MMAB: variants seen among roughly 807,000 people sequenced by gnomAD.
The protein encoded by MMAB is metabolism of cobalamin associated B.
In MMAB, 17 loss-of-function variants were observed where a neutral mutation model predicts 30.6. That is an observed-to-expected ratio of 0.56 (90% CI 0.38 to 0.83). MMAB has a LOEUF of 0.83. MMAB is among the 40% of genes least tolerant of loss of function. MMAB has a pLI of 0.00. For synonymous variants in MMAB, 134 were observed against 138.6 expected (o/e 0.97, Z 0.23); for missense variants, 311 against 331.6 (o/e 0.94, Z 0.48).
chr12:109,568,525 G>A (rs1036425973), intron 3 of MMAB: 3 of 598,888 alleles, frequency 5.0e-6, no homozygotes, highest in South Asian at 2.0e-5. Context: ...AGGGATGAGA[G>A]GGAGGCAGCT....
rs1473880029 is a variant in MMAB at position 109,561,876 on chromosome 12, G to T, written c.349-24C>A. 1 of 1,587,706 alleles carries T rather than the reference G, an allele frequency of 6.3e-7. No individual in the cohort carries two copies. The highest frequency in any genetic ancestry group is 8.6e-7 in the Non-Finnish European group (1 of 1,164,872). The stretch of plus-strand genomic sequence containing the variant: ...ATCTGGGGGGCGACAGAAAGTGACA[G>T]TCAAGATCTATGTGAGATGGGCTGG... On this transcript the variant is annotated intron_variant, in intron 4 of 8. Coordinates refer to ENST00000545712, the MANE Select transcript of MMAB (RefSeq NM_052845.4). The surrounding 1 kb of genome is among the most constrained non-coding windows in gnomAD (Gnocchi z 5.3).
Position 109,565,113 on chromosome 12 carries a change from ACTCACTTT to A in MMAB, c.346_348+5del. The A allele has an allele frequency of 6.2e-7, 1 of 1,611,678 alleles. No homozygotes were observed. The highest frequency in any genetic ancestry group is 8.5e-7 in the Non-Finnish European group (1 of 1,177,818). ...TTCCCAGCTTGGGTGAGATGGTGTTACTCACTTTCTGAAGCTCTTCGGCAAATGTATGG... is the reference window on the plus strand; with the variant it reads ...TTCCCAGCTTGGGTGAGATGGTGTTACTGAAGCTCTTCGGCAAATGTATGG... On this transcript the variant is annotated splice_donor_variant and splice_donor_5th_base_variant and coding_sequence_variant and intron_variant, in exon 4 of 9. Transcript: ENST00000545712. LOFTEE classifies it high-confidence loss of function.
intron 2 of MMAB, among the ~76,000 whole-genome samples, chr12:109,570,733 G>C (rs1469693338): frequency 1.3e-5 from 2 of 152,026 alleles, no homozygotes; most frequent in African/African-American, 2.4e-5. Context: ...TATTAGCCAG[G>C]CATGGCGATG....
chr12:109,565,028 G>GAGTT (rs1884366378), intron 4 of MMAB, 91 bp downstream of exon 4: 1 of 970,838 alleles, frequency 1.0e-6, no homozygotes. Context: ...AGCCCCAGGT[G>GAGTT]ACACAAAGAG....
rs542319905 is a variant in MMAB at position 109,569,268 on chromosome 12, A to G, written c.197-405T>C. 1.6e-3 allele frequency among the ~76,000 whole-genome samples: 243 copies of G among 152,324 alleles called. No individual in the cohort carries two copies. The highest frequency in any genetic ancestry group is 5.6e-3 in the African/African-American group (231 of 41,564). On this transcript the variant is annotated intron_variant, in intron 2 of 8. Coordinates refer to ENST00000545712, the MANE Select transcript of MMAB (RefSeq NM_052845.4). This position sits in a 1 kb window ranked among gnomAD's most constrained non-coding sequence, Gnocchi z 4.1. ...CCCCTTAAAGAACTTTCAACTTGAA[A>G]TATAGCATATACACAGAAAAGTGCT...
chr12:109,561,824 G>A lies in MMAB; in HGVS notation c.377C>T (p.Ser126Leu), dbSNP rs771053425. Reference protein sequence around the residue: ...KIQCTLQDVGSALATPCSSAR... With the variant: ...KIQCTLQDVGLALATPCSSAR... ...CGAGGAGCATGGTGTCGCCAGGGCC[G>A]AGCCGACGTCCTGCAATGTGCACTG... is the stretch of plus-strand genomic sequence containing the variant. The change falls in exon 5 of 9, where the codon TCG becomes TTG. Residue 126 changes from serine (S) to leucine (L), a missense_variant. Transcript: ENST00000545712. This position sits in a 1 kb window ranked among gnomAD's most constrained non-coding sequence, Gnocchi z 5.3. 9 of 1,608,806 alleles carry A rather than the reference G, an allele frequency of 5.6e-6. No homozygotes were observed. Among genetic ancestry groups the A allele is most frequent in the South Asian group, 2.2e-5 (2 of 90,058 alleles).
chr12:109,562,852 G>A (rs1438873195), intron 4 of MMAB, among the ~76,000 whole-genome samples: 1 of 152,194 alleles, frequency 6.6e-6, no homozygotes, highest in Non-Finnish European at 1.5e-5. Context: ...AAGGTCTGCT[G>A]CAGGACTCCA....
At chr12:109,566,466 ACAGT>A (rs980896772) in intron 3 of MMAB, among the ~76,000 whole-genome samples, 6 of 152,252 alleles carry the variant, frequency 3.9e-5, no homozygotes, top group African/African-American at 1.4e-4. Flanking sequence ...AGGCTGGGAC[ACAGT>A]CTGTCTCCAT....
Position 109,567,629 on chromosome 12 carries a change from C to T in MMAB, c.290+1141G>A, listed in dbSNP as rs974371693. ...TGTGAATAAATGGAAGGCATCATTC[C>T]CAAGAAAGGTTTGTCTTTTGGAGAC... On this transcript the variant is annotated intron_variant, in intron 3 of 8. Transcript: ENST00000545712. 3.3e-5 allele frequency among the ~76,000 whole-genome samples: 5 copies of T among 152,124 alleles called. No individual in the cohort carries two copies. The South Asian group carries it at 1.0e-3, about 31-fold the overall frequency.
At position 109,555,181 on chromosome 12, in the gene MMAB, T is replaced by A. The variant is rs1350535457; in HGVS notation, c.*1847A>T. The A allele has an allele frequency of 3.1e-5, 14 of 453,042 alleles. No individual in the cohort carries two copies. The highest frequency in any genetic ancestry group is 4.0e-5 in the Non-Finnish European group (9 of 226,632). The allele number at this position is 453,042 out of a possible 1,614,324, so 28.1% of individuals were successfully genotyped here. A position where few individuals can be genotyped will look rare whatever the true frequency, so the allele number is the denominator to read the frequency against. On this transcript the variant is annotated 3_prime_UTR_variant, in exon 9 of 9. Coordinates refer to ENST00000545712, the MANE Select transcript of MMAB (RefSeq NM_052845.4). ...TATATATATATATATTCCAGGAAGA[T>A]TTTGAGATTTTGAGGTGTAGACAGA...
Position 109,558,372 on chromosome 12 carries a change from C to T in MMAB, c.644+724G>A, listed in dbSNP as rs775476359. Among the ~76,000 whole-genome samples the T allele has an allele frequency of 2.0e-5, 3 of 152,146 alleles. No individual in the cohort carries two copies. Among genetic ancestry groups the T allele is most frequent in the Non-Finnish European group, 4.4e-5 (3 of 68,016 alleles). On this transcript the variant is annotated intron_variant, in intron 8 of 8. Transcript: ENST00000545712. The surrounding 1 kb of genome is among the most constrained non-coding windows in gnomAD (Gnocchi z 4.3). ...AGGAGCTGCTCAGGACCCGTCAAAG[C>T]GCCATGTCTCTGGGAGGAGTGGCCA...
chr12:109,572,240 TTTA>T (rs923668100), intron 1 of MMAB, among the ~76,000 whole-genome samples: 6 of 151,240 alleles, frequency 4.0e-5, no homozygotes, highest in African/African-American at 4.9e-5. Flanking sequence ...TATTTATTTA[TTTA>T]TTATTATTAT....
chr12:109,562,911 CA>C (rs1330985650), intron 4 of MMAB, among the ~76,000 whole-genome samples: 5 of 152,314 alleles, frequency 3.3e-5, no homozygotes, highest in African/African-American at 1.2e-4. Flanking sequence ...GTGAAGACCA[CA>C]AGTACCACCT....
Position 109,561,657 on chromosome 12 carries a change from G to T in MMAB, c.421+123C>A. 8.2e-7 allele frequency: 1 copy of T among 1,213,158 alleles called. No homozygotes were observed. Among genetic ancestry groups the T allele is most frequent in the Non-Finnish European group, 1.2e-6 (1 of 845,070 alleles). The allele number at this position is 1,213,158 out of a possible 1,614,324, so 75.1% of individuals were successfully genotyped here. A position where few individuals can be genotyped will look rare whatever the true frequency, so the allele number is the denominator to read the frequency against. On this transcript the variant is annotated intron_variant, in intron 5 of 8. Coordinates refer to ENST00000545712, the MANE Select transcript of MMAB (RefSeq NM_052845.4). This position sits in a 1 kb window ranked among gnomAD's most constrained non-coding sequence, Gnocchi z 5.3. Reference sequence around the variant, plus strand: ...TCAGAAGGTACCTTCCCTCCCAGGAGCTACGAGCAAGGCTAACTGACCCAC... The same window carrying T: ...TCAGAAGGTACCTTCCCTCCCAGGATCTACGAGCAAGGCTAACTGACCCAC...
intron 3 of MMAB, among the ~76,000 whole-genome samples, chr12:109,566,679 C>G (rs1884438839): frequency 6.6e-6 from 1 of 152,170 alleles, no homozygotes; most frequent in Non-Finnish European, 1.5e-5. Context: ...AGGTTCTGCT[C>G]CCTGCACTCT....
At position 109,558,895 on chromosome 12, in the gene MMAB, A is replaced by G. The variant is rs1884085847; in HGVS notation, c.644+201T>C. Among the ~76,000 whole-genome samples, 1 of 152,106 alleles carries G rather than the reference A, an allele frequency of 6.6e-6. No individual in the cohort carries two copies. The highest frequency in any genetic ancestry group is 1.5e-5 in the Non-Finnish European group (1 of 68,000). Reference sequence around the variant, plus strand: ...ATCTAAATCTTATCGGGACAGGCACAGGGCCCACCTTGTTCACCACTGCCT... The same window carrying G: ...ATCTAAATCTTATCGGGACAGGCACGGGGCCCACCTTGTTCACCACTGCCT... On this transcript the variant is annotated intron_variant, in intron 8 of 8. Transcript: ENST00000545712. The surrounding 1 kb of genome is among the most constrained non-coding windows in gnomAD (Gnocchi z 4.3).
At chr12:109,559,031 C>CGCTGCACT in intron 8 of MMAB, 65 bp downstream of exon 8, 1 of 1,266,656 alleles carries the variant, frequency 7.9e-7, no homozygotes, top group Admixed American at 1.7e-5. Flanking sequence ...ACCGCTGCAC[C>CGCTGCACT]GCTGCTACTT....
Position 109,555,274 on chromosome 12 carries a change from G to GGTTT in MMAB, c.*1750_*1753dup, listed in dbSNP as rs1566128137. 3.0e-6 allele frequency: 1 copy of GGTTT among 338,510 alleles called. No individual in the cohort carries two copies. The highest frequency in any genetic ancestry group is 5.5e-6 in the Non-Finnish European group (1 of 182,056). 21.0% of individuals were successfully genotyped at this position (338,510 alleles called of 1,614,324 possible). ...CGAGCCTTAGTGATTGCGTTTTCAG[G>GGTTT]GTTTTTTTTTTTTTTTTTTTTTTTT... On this transcript the variant is annotated 3_prime_UTR_variant, in exon 9 of 9. Transcript: ENST00000545712.
rs1384323607 is a variant in MMAB, at chr12:109,555,033, G to C, written c.*1995C>G. ...CCTGGAAGGACAGGACTTGGCAACA[G>C]GTGAACGGCCTTGTTTCAAAGATTG... On this transcript the variant is annotated 3_prime_UTR_variant, in exon 9 of 9. Transcript: ENST00000545712. 1 of 454,002 alleles carries C rather than the reference G, an allele frequency of 2.2e-6. No individual in the cohort carries two copies. The highest frequency in any genetic ancestry group is 4.4e-6 in the Non-Finnish European group (1 of 226,800). The allele number at this position is 454,002 out of a possible 1,614,324, so 28.1% of individuals were successfully genotyped here.
Sources: gnomAD v4.1 joint callset for allele counts (sites outside exome capture counted in the v4.1 genomes callset) on GRCh38, gnomAD v4.1.1 for gene constraint, Gnocchi (gnomAD v3.1) non-coding constraint, MANE v1.5 for transcripts, NCBI Gene and HGNC (gene_info 2026-07-23, HGNC 2026-07-21) for gene names.